Variants in HDAC5 observed in about 807,000 individuals in gnomAD.
HDAC5 encodes the protein antigen NY-CO-9.
In HDAC5, 25 loss-of-function variants were observed where a neutral mutation model predicts 133.3. The ratio of observed to expected loss-of-function variants is 0.19; its 90% CI spans 0.14 to 0.26. The LOEUF is 0.26. Among genes scored for constraint, HDAC5 ranks in the 10% least tolerant of loss-of-function variants. The pLI, the probability that HDAC5 is intolerant of heterozygous loss-of-function variation, is 1.00. For missense variants in HDAC5, 1,041 were observed against 1,460.5 expected (o/e 0.71, Z 4.68); for synonymous variants, 589 against 610.8 (o/e 0.96, Z 0.53).
rs2051100758 is a variant in HDAC5, at chr17:44,093,914, G to A, written c.95-80C>T. The A allele has an allele frequency of 9.1e-6, 13 of 1,422,868 alleles. No homozygotes were observed. The East Asian group carries it at 1.6e-4, about 17-fold the overall frequency. 88.1% of individuals were successfully genotyped at this position (1,422,868 alleles called of 1,614,324 possible). ...ATGCCTGAGGCCCAAAGGCTACCAC[G>A]CAGGATTCTAGGAGACCCAAAGAGA... On this transcript the variant is annotated intron_variant, in intron 3 of 26. Transcript: ENST00000682912.
intron 2 of HDAC5, among the ~76,000 whole-genome samples, chr17:44,113,982 C>T (rs2052491498): frequency 6.6e-6 from 1 of 150,776 alleles, no homozygotes; most frequent in African/African-American, 2.5e-5. Context: ...CATGCTGGAG[C>T]CCATCAGCAT....
chr17:44,083,931 C>G, intron 16 of HDAC5, 77 bp from the exon 17 acceptor site: 1 of 1,140,784 alleles, frequency 8.8e-7, no homozygotes. Flanking sequence ...CGAGACCAGC[C>G]TGGACAACAT....
intron 14 of HDAC5, 149 bp downstream of exon 14, chr17:44,086,423 G>T: frequency 3.7e-6 from 2 of 540,288 alleles, no homozygotes; most frequent in Non-Finnish European, 2.9e-6. Flanking sequence ...GAACAGCTCT[G>T]GGGTACAGGG....
intron 3 of HDAC5, among the ~76,000 whole-genome samples, chr17:44,096,922 A>G (rs1246070926): frequency 6.6e-6 from 1 of 151,902 alleles, no homozygotes; most frequent in African/African-American, 2.4e-5. Context: ...GGGTTTCACC[A>G]TGTAGGTCAG....
intron 14 of HDAC5, among the ~76,000 whole-genome samples, chr17:44,085,777 C>T (rs185325400): frequency 6.6e-6 from 1 of 152,300 alleles, no homozygotes; most frequent in African/African-American, 2.4e-5. Flanking sequence ...GCTGGGATTA[C>T]AGGCGTGAGC....
intron 2 of HDAC5, among the ~76,000 whole-genome samples, chr17:44,112,932 A>T (rs1598029589): frequency 6.6e-6 from 1 of 152,102 alleles, no homozygotes. Flanking sequence ...ATGGCTGGGG[A>T]TCTTGTTCAC....
chr17:44,099,577 C>T (rs1223995155), intron 3 of HDAC5, among the ~76,000 whole-genome samples: 2 of 151,994 alleles, frequency 1.3e-5, no homozygotes, highest in Admixed American at 1.3e-4. Context: ...CAGGTTCACG[C>T]CATTCTCCTG....
chr17:44,080,954 C>G (rs985525545), intron 20 of HDAC5, 72 bp from the exon 21 acceptor site: 8 of 1,598,566 alleles, frequency 5.0e-6, no homozygotes, highest in African/African-American at 1.3e-5. Context: ...CACCTGTCAG[C>G]TGAGCACTGT....
intron 3 of HDAC5, among the ~76,000 whole-genome samples, chr17:44,107,488 G>A (rs994736428): frequency 6.6e-6 from 1 of 151,488 alleles, no homozygotes; most frequent in Non-Finnish European, 1.5e-5. Context: ...TGTGCCTGTA[G>A]TCCCAGCTAC....
chr17:44,108,741 T>G (rs1175381288), intron 3 of HDAC5, among the ~76,000 whole-genome samples: 1 of 124,438 alleles, frequency 8.0e-6, no homozygotes, highest in Non-Finnish European at 1.6e-5. Flanking sequence ...TCTATTTACA[T>G]TCCAGAGTCC....
At chr17:44,084,100 G>C (rs958670595) in intron 16 of HDAC5, among the ~76,000 whole-genome samples, 1 of 151,666 alleles carries the variant, frequency 6.6e-6, no homozygotes, top group African/African-American at 2.4e-5. Flanking sequence ...ACTCCAGCCT[G>C]GCCAACAGAG....
At position 44,103,197 on chromosome 17, in the gene HDAC5, C is replaced by T. The variant is rs140374040; in HGVS notation, c.94+7532G>A. On this transcript the variant is annotated intron_variant, in intron 3 of 26. Transcript: ENST00000682912. Reference sequence around the variant, plus strand: ...AACATTTCACACCCTGAGCCCATGACGCTGTGACACCGATGACCCCTCCCC... The same window carrying T: ...AACATTTCACACCCTGAGCCCATGATGCTGTGACACCGATGACCCCTCCCC... Among the ~76,000 whole-genome samples the T allele has an allele frequency of 5.3e-3, 804 of 152,254 alleles. 6 individuals are homozygous for T. Among genetic ancestry groups the T allele is most frequent in the Non-Finnish European group, 6.6e-3 (449 of 68,024 alleles).
chr17:44,098,257 G>A (rs534472743), intron 3 of HDAC5, among the ~76,000 whole-genome samples: 3 of 152,334 alleles, frequency 2.0e-5, no homozygotes, highest in Admixed American at 6.5e-5. Context: ...AGCCTGGCAT[G>A]AGCAGAGCAG....
At chr17:44,084,948 AAG>A (rs2050579642) in intron 15 of HDAC5, 72 bp downstream of exon 15, 11 of 1,521,150 alleles carry the variant, frequency 7.2e-6, no homozygotes, top group African/African-American at 1.4e-5. Flanking sequence ...AAGAAGCATG[AAG>A]AGAGGCTTAT....
rs1424729474 is a variant in HDAC5, at chr17:44,086,702, C to T, written c.1920G>A (p.Gln640=). The part of the protein sequence containing the change: ...FSDAQPLQPL[Q]VYQAPLSLAT... ...CCAGGCTGAGGGGCGCCTGGTACAC[C>T]TGCAAAGGCTGCAGCGGCTGGGCAT... is the stretch of plus-strand genomic sequence containing the variant. The change falls in exon 14 of 27, where the codon CAG becomes CAA. Residue 640 remains glutamine, a synonymous_variant. Coordinates refer to ENST00000682912, the MANE Select transcript of HDAC5 (RefSeq NM_005474.5). The T allele has an allele frequency of 9.2e-6, 12 of 1,299,424 alleles. No individual in the cohort carries two copies. The highest frequency in any genetic ancestry group is 1.1e-5 in the Non-Finnish European group (11 of 1,016,706). The allele number at this position is 1,299,424 out of a possible 1,614,324, so 80.5% of individuals were successfully genotyped here. A position where few individuals can be genotyped will look rare whatever the true frequency, so the allele number is the denominator to read the frequency against.
chr17:44,110,613 A>G, intron 3 of HDAC5, 116 bp downstream of exon 3: 2 of 814,240 alleles, frequency 2.5e-6, no homozygotes, highest in South Asian at 1.5e-5. Flanking sequence ...TCTCAACAAA[A>G]CTCTCAAGAC....
rs766096013 is a variant in HDAC5, at chr17:44,088,367, A to C, written c.1599+20T>G. The C allele has an allele frequency of 6.5e-7, 1 of 1,545,950 alleles. No individual in the cohort carries two copies. The highest frequency in any genetic ancestry group is 2.2e-4 in the Middle Eastern group (1 of 4,512). ...CCTGCCCCCACCACAGCCCCAGGCC[A>C]TTCACCTTTCCAGGCTCACCTTGCC... is the stretch of plus-strand genomic sequence containing the variant. On this transcript the variant is annotated intron_variant, in intron 12 of 26. Coordinates refer to ENST00000682912, the MANE Select transcript of HDAC5 (RefSeq NM_005474.5).
chr17:44,085,539 G>A (rs533384950), intron 14 of HDAC5, among the ~76,000 whole-genome samples: 6 of 151,836 alleles, frequency 4.0e-5, no homozygotes, highest in South Asian at 2.1e-4. Context: ...ACAGAGTCTC[G>A]CTCTGTCGGC....
At chr17:44,083,130 C>T (rs1033827616) in intron 18 of HDAC5, among the ~76,000 whole-genome samples, 4 of 151,920 alleles carry the variant, frequency 2.6e-5, no homozygotes, top group African/African-American at 9.7e-5. Context: ...AAGCACACGC[C>T]ACCACACCTG....
Sources: gnomAD v4.1 joint callset for allele counts (sites outside exome capture counted in the v4.1 genomes callset) on GRCh38, gnomAD v4.1.1 for gene constraint, MANE v1.5 for transcripts, NCBI Gene and HGNC (gene_info 2026-07-23, HGNC 2026-07-21) for gene names.